Variants in IQCM observed in about 807,000 individuals in gnomAD.
IQCM encodes IQ motif containing M.
In IQCM, 45 loss-of-function variants were observed where a neutral mutation model predicts 57.6. The observed-to-expected ratio is 0.78, with a 90% CI of 0.62 to 1.00. The LOEUF (loss-of-function observed/expected upper bound fraction) is 1.00. IQCM is among the 50% of genes least tolerant of loss of function. IQCM has a pLI of 0.00. For missense variants in IQCM, 468 were observed against 511.6 expected (o/e 0.91, Z 0.82); for synonymous variants, 148 against 158.9 (o/e 0.93, Z 0.51).
rs115687185 is a variant in IQCM at position 149,770,797 on chromosome 4, T to C, written c.-48-28058A>G. ...TTCTGAACTGGATAAAGAGCACCTA[T>C]GAAAAACCTACAGCTAGTATCATAC... On this transcript the variant is annotated intron_variant, in intron 2 of 13. Transcript: ENST00000636793. Among the ~76,000 whole-genome samples, 1,017 of 152,132 alleles carry C rather than the reference T, an allele frequency of 6.7e-3. 12 individuals are homozygous for C. Among genetic ancestry groups the C allele is most frequent in the African/African-American group, 0.023 (959 of 41,550 alleles).
chr4:149,793,757 C>T (rs1772855769), intron 2 of IQCM: 1 of 151,994 alleles, frequency 6.6e-6, no homozygotes, highest in Non-Finnish European at 1.5e-5. Context: ...CTATAAGATA[C>T]TTAAGACTGA....
intron 8 of IQCM, among the ~76,000 whole-genome samples, chr4:149,595,636 C>T (rs919951030): frequency 6.6e-5 from 10 of 152,186 alleles, no homozygotes; most frequent in African/African-American, 2.2e-4. Flanking sequence ...GCTACTAATA[C>T]GATTTAAACA....
At chr4:149,660,790 C>T (rs2150153705) in intron 7 of IQCM, among the ~76,000 whole-genome samples, 1 of 151,188 alleles carries the variant, frequency 6.6e-6, no homozygotes, top group South Asian at 2.1e-4. Flanking sequence ...AATGAGAACA[C>T]ATGGACACAG....
At chr4:149,523,890 G>A (rs1745905928) in intron 12 of IQCM, among the ~76,000 whole-genome samples, 1 of 152,134 alleles carries the variant, frequency 6.6e-6, no homozygotes, top group African/African-American at 2.4e-5. Flanking sequence ...AAAGGGCAGA[G>A]TAAACGCATT....
intron 12 of IQCM, among the ~76,000 whole-genome samples, chr4:149,497,446 A>G (rs1742775528): frequency 6.6e-6 from 1 of 152,118 alleles, no homozygotes; most frequent in Non-Finnish European, 1.5e-5. Context: ...GTGGCTAGGT[A>G]GGCCTCACAA....
intron 13 of IQCM, among the ~76,000 whole-genome samples, chr4:149,356,606 C>G (rs1729005710): frequency 6.6e-6 from 1 of 152,076 alleles, no homozygotes; most frequent in African/African-American, 2.4e-5. Flanking sequence ...TGGTCTATAT[C>G]TCTGTTTTGG....
intron 7 of IQCM, among the ~76,000 whole-genome samples, chr4:149,638,547 T>C (rs1396129136): frequency 3.3e-5 from 5 of 151,938 alleles, no homozygotes; most frequent in Non-Finnish European, 5.9e-5. Context: ...AGTCAAACAA[T>C]GGACTACTAC....
chr4:149,555,231 T>G (rs766036800), intron 10 of IQCM, among the ~76,000 whole-genome samples: 5 of 152,116 alleles, frequency 3.3e-5, no homozygotes, highest in African/African-American at 4.8e-5. Context: ...GCTTTTGTCT[T>G]TTAAAAAAAA....
chr4:149,357,206 G>A (rs7660591), intron 13 of IQCM, among the ~76,000 whole-genome samples: 5 of 152,086 alleles, frequency 3.3e-5, no homozygotes, highest in East Asian at 1.9e-4. Context: ...GACAATTTGA[G>A]TTCCTCTTTT....
chr4:149,383,983 C>A (rs953392826), intron 13 of IQCM, among the ~76,000 whole-genome samples: 6 of 151,896 alleles, frequency 4.0e-5, no homozygotes, highest in Non-Finnish European at 8.8e-5. Context: ...CAGAGCATAT[C>A]CTTTATTAGA....
chr4:149,616,822 CAGCAAACCACCA>C, intron 8 of IQCM, among the ~76,000 whole-genome samples: 1 of 151,938 alleles, frequency 6.6e-6, no homozygotes, highest in African/African-American at 2.4e-5. Context: ...TTGATAGGTG[CAGCAAACCACCA>C]TGGCATACAT....
At chr4:149,556,517 T>C (rs1749599589) in intron 10 of IQCM, among the ~76,000 whole-genome samples, 2 of 152,334 alleles carry the variant, frequency 1.3e-5, no homozygotes, top group Admixed American at 1.3e-4. Flanking sequence ...TAAGAAGATA[T>C]CTTGACCACA....
chr4:149,403,564 A>G (rs1732769040), intron 13 of IQCM, among the ~76,000 whole-genome samples: 1 of 151,778 alleles, frequency 6.6e-6, no homozygotes, highest in South Asian at 2.1e-4. Context: ...TTTTTCTTGA[A>G]ACTTTAGGCC....
At chr4:149,457,803 G>T (rs928934417) in intron 12 of IQCM, among the ~76,000 whole-genome samples, 1 of 151,954 alleles carries the variant, frequency 6.6e-6, no homozygotes, top group Non-Finnish European at 1.5e-5. Context: ...TAGCAATCAC[G>T]CTCCCTTTTG....
intron 7 of IQCM, among the ~76,000 whole-genome samples, chr4:149,632,015 C>T (rs1757307743): frequency 6.6e-6 from 1 of 152,200 alleles, no homozygotes; most frequent in Non-Finnish European, 1.5e-5. Flanking sequence ...TCAAATCTTA[C>T]ATGTTAACAG....
intron 7 of IQCM, among the ~76,000 whole-genome samples, chr4:149,636,915 G>A (rs1283090691): frequency 1.3e-5 from 2 of 151,082 alleles, no homozygotes; most frequent in African/African-American, 2.4e-5. Flanking sequence ...AGGCCGAGGC[G>A]GGTGGATCAT....
At chr4:149,808,850 A>G (rs1774311220) in intron 2 of IQCM, among the ~76,000 whole-genome samples, 1 of 152,200 alleles carries the variant, frequency 6.6e-6, no homozygotes, top group African/African-American at 2.4e-5. Flanking sequence ...TGAAATATTC[A>G]TAGAAATTAT....
intron 9 of IQCM, among the ~76,000 whole-genome samples, chr4:149,582,747 G>A (rs1220194103): frequency 1.3e-5 from 2 of 151,558 alleles, no homozygotes; most frequent in Non-Finnish European, 3.0e-5. Context: ...TTCAAATAAT[G>A]TTTAGGATAG....
At chr4:149,708,245 G>A (rs1365841026) in intron 5 of IQCM, among the ~76,000 whole-genome samples, 1 of 151,890 alleles carries the variant, frequency 6.6e-6, no homozygotes, top group African/African-American at 2.4e-5. Flanking sequence ...ATGTTATCCA[G>A]CACCAAAATA....
Sources: gnomAD v4.1 joint callset for allele counts (sites outside exome capture counted in the v4.1 genomes callset) on GRCh38, gnomAD v4.1.1 for gene constraint, MANE v1.5 for transcripts, NCBI Gene and HGNC (gene_info 2026-07-23, HGNC 2026-07-21) for gene names.